COL25A1: variants seen among roughly 807,000 people sequenced by gnomAD.
COL25A1 encodes collagen type XXV alpha 1 chain.
A neutral mutation model predicts 128.4 loss-of-function variants in COL25A1; 103 were observed. The ratio of observed to expected loss-of-function variants is 0.80; its 90% CI spans 0.68 to 0.94. COL25A1 has a LOEUF of 0.94. Among genes scored for constraint, COL25A1 ranks in the 40% least tolerant of loss-of-function variants. The pLI, the probability that COL25A1 is intolerant of heterozygous loss-of-function variation, is 0.00. For missense variants in COL25A1, 745 were observed against 840.0 expected, an observed-to-expected ratio of 0.89 and a Z score of 1.40; for synonymous variants, 279 against 277.2, an observed-to-expected ratio of 1.01 and a Z score of -0.06.
chr4:108,883,994 T>C (rs1350905236), intron 19 of COL25A1, among the ~76,000 whole-genome samples, 184 bp downstream of exon 19: 1 of 152,200 alleles, frequency 6.6e-6, no homozygotes, highest in Non-Finnish European at 1.5e-5. Flanking sequence ...CATATTGCCA[T>C]GGCAAACTTT....
In COL25A1 at chr4:108,825,160, T is replaced by C. The variant is rs1346499028; in HGVS notation, c.1791+36A>G. On this transcript the variant is annotated intron_variant, in intron 34 of 37. Transcript: ENST00000399132. The stretch of plus-strand genomic sequence containing the variant: ...GATGATGGAGACCATCAACATCTAT[T>C]ATAATAGGATGATGTTTATTGTACT... The C allele has an allele frequency of 1.9e-6, 3 of 1,550,358 alleles. No individual in the cohort carries two copies. In the East Asian group the frequency reaches 6.7e-5, roughly 35 times the overall value.
At chr4:109,298,450 G>C (rs575626865) in intron 3 of COL25A1, among the ~76,000 whole-genome samples, 49 of 152,202 alleles carry the variant, frequency 3.2e-4, no homozygotes, top group African/African-American at 1.1e-3. Flanking sequence ...CTGTCCACAG[G>C]AACTGAGCTG....
intron 8 of COL25A1, among the ~76,000 whole-genome samples, chr4:108,955,552 A>C (rs1749976968): frequency 6.6e-6 from 1 of 152,140 alleles, no homozygotes; most frequent in Non-Finnish European, 1.5e-5. Flanking sequence ...CTTGATTACA[A>C]ATAAGGAAGG....
intron 5 of COL25A1, among the ~76,000 whole-genome samples, chr4:109,025,728 C>A (rs1343972809): frequency 6.6e-6 from 1 of 152,108 alleles, no homozygotes; most frequent in Non-Finnish European, 1.5e-5. Context: ...ATGTTTGTGG[C>A]TGAATCGTAA....
intron 3 of COL25A1, among the ~76,000 whole-genome samples, chr4:109,282,345 T>C (rs1281937729): frequency 6.6e-6 from 1 of 152,158 alleles, no homozygotes; most frequent in Admixed American, 6.5e-5. Flanking sequence ...TTAACAAAGA[T>C]ACTCCTTTGA....
At chr4:109,186,652 C>T (rs1440217391) in intron 3 of COL25A1, among the ~76,000 whole-genome samples, 1 of 152,138 alleles carries the variant, frequency 6.6e-6, no homozygotes, top group African/African-American at 2.4e-5. Context: ...CTTTCATAGC[C>T]TGACAAATGG....
chr4:109,016,206 G>A (rs1310924258), intron 5 of COL25A1, among the ~76,000 whole-genome samples: 2 of 152,222 alleles, frequency 1.3e-5, no homozygotes, highest in African/African-American at 4.8e-5. Context: ...CAAAGTTGTG[G>A]CCGAGCCCAG....
chr4:108,917,624 C>A (rs1181726535), intron 13 of COL25A1, among the ~76,000 whole-genome samples: 2 of 152,164 alleles, frequency 1.3e-5, no homozygotes, highest in African/African-American at 2.4e-5. Context: ...TGTGTTGTTT[C>A]TTTCACTTTA....
intron 3 of COL25A1, among the ~76,000 whole-genome samples, chr4:109,065,543 CGCGTGTGTGTGTGTGT>C (rs1762365037): frequency 7.6e-6 from 1 of 131,132 alleles, no homozygotes; most frequent in African/African-American, 2.9e-5. Flanking sequence ...CGCGCGCGCG[CGCGTGTGTGTGTGTGT>C]GTGTGTGTGT....
chr4:109,129,000 T>G (rs1312852357), intron 3 of COL25A1, among the ~76,000 whole-genome samples: 7 of 152,230 alleles, frequency 4.6e-5, no homozygotes, highest in Non-Finnish European at 2.9e-5. Context: ...AAAGTCTGAT[T>G]CAACGTGTCT....
At chr4:108,980,854 G>A (rs1470640323) in intron 6 of COL25A1, among the ~76,000 whole-genome samples, 1 of 152,190 alleles carries the variant, frequency 6.6e-6, no homozygotes, top group Non-Finnish European at 1.5e-5. Context: ...AATGGTCACC[G>A]CACGTCTGAT....
intron 8 of COL25A1, among the ~76,000 whole-genome samples, chr4:108,972,746 G>A (rs186692173): frequency 6.6e-6 from 1 of 152,266 alleles, no homozygotes; most frequent in East Asian, 1.9e-4. Flanking sequence ...CACTCAGTGT[G>A]AAAACTGGCT....
intron 3 of COL25A1, among the ~76,000 whole-genome samples, chr4:109,079,505 A>T (rs1163048203): frequency 6.6e-6 from 1 of 152,152 alleles, no homozygotes; most frequent in Non-Finnish European, 1.5e-5. Flanking sequence ...AAAATAACAC[A>T]TCGCCCTTAT....
intron 3 of COL25A1, among the ~76,000 whole-genome samples, chr4:109,222,600 A>G (rs1778505443): frequency 6.6e-6 from 1 of 152,158 alleles, no homozygotes; most frequent in Admixed American, 6.5e-5. Context: ...TATAAATTCC[A>G]TCATCTTTTA....
In COL25A1 at chr4:108,949,003, C is replaced by A. The variant is rs991277058; in HGVS notation, c.493-7566G>T. Among the ~76,000 whole-genome samples, 3 of 152,116 alleles carry A rather than the reference C, an allele frequency of 2.0e-5. 1 individual carries two copies. Among genetic ancestry groups the A allele is most frequent in the Admixed American group, 1.3e-4 (2 of 15,276 alleles). Reference sequence around the variant, plus strand: ...GTAAAGTGTTCCCTAATGACATACACCTAAGAAAAGCCAACAGAAGATGAG... The same window carrying A: ...GTAAAGTGTTCCCTAATGACATACAACTAAGAAAAGCCAACAGAAGATGAG... On this transcript the variant is annotated intron_variant, in intron 8 of 37. Transcript: ENST00000399132.
intron 11 of COL25A1, among the ~76,000 whole-genome samples, chr4:108,926,620 C>T (rs763824598): frequency 5.3e-5 from 8 of 151,950 alleles, no homozygotes; most frequent in Non-Finnish European, 5.9e-5. Context: ...ACTTTAATTA[C>T]AATTTTTTGA....
chr4:108,895,246 A>C (rs1401888413), intron 16 of COL25A1, among the ~76,000 whole-genome samples: 1 of 152,192 alleles, frequency 6.6e-6, no homozygotes, highest in Admixed American at 6.5e-5. Flanking sequence ...CTATGTTTTT[A>C]TGACTAACCA....
At chr4:109,284,333 G>A (rs1408393392) in intron 3 of COL25A1, among the ~76,000 whole-genome samples, 2 of 152,224 alleles carry the variant, frequency 1.3e-5, no homozygotes, top group East Asian at 1.9e-4. Flanking sequence ...GCTGAGGCAG[G>A]AGAATTACTT....
intron 3 of COL25A1, among the ~76,000 whole-genome samples, chr4:109,144,168 C>T (rs982069206): frequency 6.6e-6 from 1 of 152,178 alleles, no homozygotes; most frequent in Admixed American, 6.5e-5. Flanking sequence ...TGCAGGTCTG[C>T]TGGAGTTTGC....
Sources: gnomAD v4.1 joint callset for allele counts (sites outside exome capture counted in the v4.1 genomes callset) on GRCh38, gnomAD v4.1.1 for gene constraint, MANE v1.5 for transcripts, NCBI Gene and HGNC (gene_info 2026-07-23, HGNC 2026-07-21) for gene names.